SLAMF6: variants seen among roughly 807,000 people sequenced by gnomAD.
The protein encoded by SLAMF6 is NK-T-B-antigen.
In SLAMF6, 21 loss-of-function variants were observed where a neutral mutation model predicts 38.3. The observed-to-expected ratio is 0.55, with a 90% CI of 0.39 to 0.79. The LOEUF (loss-of-function observed/expected upper bound fraction) is 0.79, where lower values mean the gene tolerates loss of function less well. SLAMF6 is among the 30% of genes least tolerant of loss of function. The pLI, the probability that SLAMF6 is intolerant of heterozygous loss-of-function variation, is 0.00. For synonymous variants in SLAMF6, 152 were observed against 146.3 expected, an observed-to-expected ratio of 1.04 and a Z score of -0.28; for missense variants, 341 against 385.3, an observed-to-expected ratio of 0.89 and a Z score of 0.96.
rs753674064 is a variant in SLAMF6 at position 160,490,617 on chromosome 1, C to A, written c.715G>T (p.Gly239Cys). The change falls in exon 4 of 8, where the codon GGT becomes TGT. Residue 239 changes from glycine (G) to cysteine (C), a missense_variant. Physicochemically the swap from Gly to Cys is radical, Grantham distance 159. Coordinates refer to ENST00000368057, the MANE Select transcript of SLAMF6 (RefSeq NM_001184714.2). ...FMVSGICIVF[G>C]FIILLLLVLR... ...ACAAGTAACAGCAGTATGATGAAACCGAAGACTATGCATATCCCAGAAACC... is the reference window on the plus strand; with the variant it reads ...ACAAGTAACAGCAGTATGATGAAACAGAAGACTATGCATATCCCAGAAACC... The A allele has an allele frequency of 6.2e-7, 1 of 1,613,852 alleles. No homozygotes were observed. The highest frequency in any genetic ancestry group is 1.3e-5 in the African/African-American group (1 of 74,988).
chr1:160,486,415 T>A lies in SLAMF6; in HGVS notation c.*292A>T, dbSNP rs560287433. On this transcript the variant is annotated 3_prime_UTR_variant, in exon 8 of 8. Transcript: ENST00000368057. Reference sequence around the variant, plus strand: ...AACTCTCTGTCAACCATAATTCCATTTGCTTAGTTATCAAAGAGAGAGTCA... The same window carrying A: ...AACTCTCTGTCAACCATAATTCCATATGCTTAGTTATCAAAGAGAGAGTCA... 3 of 345,264 alleles carry A rather than the reference T, an allele frequency of 8.7e-6. No individual in the cohort carries two copies. Among genetic ancestry groups the A allele is most frequent in the Non-Finnish European group, 1.6e-5 (3 of 184,738 alleles). 21.4% of individuals were successfully genotyped at this position (345,264 alleles called of 1,614,324 possible).
intron 1 of SLAMF6, among the ~76,000 whole-genome samples, chr1:160,500,803 T>C (rs1001984928): frequency 6.6e-6 from 1 of 152,148 alleles, no homozygotes; most frequent in Non-Finnish European, 1.5e-5. Context: ...GGAGGTTTTC[T>C]GTCTAGAATG....
intron 1 of SLAMF6, among the ~76,000 whole-genome samples, chr1:160,522,784 C>T (rs529181747): frequency 6.6e-6 from 1 of 152,124 alleles, no homozygotes; most frequent in South Asian, 2.1e-4. Flanking sequence ...GTTCACAGTA[C>T]GATAGTAGAT....
chr1:160,498,307 A>G (rs1653703364), intron 1 of SLAMF6, among the ~76,000 whole-genome samples: 1 of 152,182 alleles, frequency 6.6e-6, no homozygotes, highest in South Asian at 2.1e-4. Context: ...CAGAATGGCT[A>G]TTATTAAAAA....
chr1:160,507,485 G>C (rs183595987), intron 1 of SLAMF6, among the ~76,000 whole-genome samples: 75 of 152,126 alleles, frequency 4.9e-4, no homozygotes, highest in Middle Eastern at 3.4e-3. Flanking sequence ...AAAACAACTA[G>C]AGAGAAGATC....
intron 2 of SLAMF6, among the ~76,000 whole-genome samples, chr1:160,495,321 A>T (rs1653516539): frequency 6.6e-6 from 1 of 152,202 alleles, no homozygotes; most frequent in South Asian, 2.1e-4. Context: ...ATCTCTGAAT[A>T]TCACTGATTG....
intron 2 of SLAMF6, among the ~76,000 whole-genome samples, chr1:160,491,807 G>A (rs1018901537): frequency 6.6e-6 from 1 of 152,200 alleles, no homozygotes; most frequent in Non-Finnish European, 1.5e-5. Context: ...AAGAGACCAG[G>A]TGGAAGAGTC....
intron 6 of SLAMF6, among the ~76,000 whole-genome samples, chr1:160,488,653 C>T (rs994521588): frequency 6.6e-6 from 1 of 152,074 alleles, no homozygotes. Flanking sequence ...TCTGAACTCC[C>T]CTAAGACCCC....
At chr1:160,504,116 G>T (rs1366014187) in intron 1 of SLAMF6, among the ~76,000 whole-genome samples, 2 of 151,952 alleles carry the variant, frequency 1.3e-5, no homozygotes, top group Non-Finnish European at 2.9e-5. Context: ...TGGAGAGAGG[G>T]AACAGAGAGG....
chr1:160,500,373 C>T (rs868418275), intron 1 of SLAMF6, among the ~76,000 whole-genome samples: 1 of 152,318 alleles, frequency 6.6e-6, no homozygotes, highest in African/African-American at 2.4e-5. Context: ...GCCCCCTTGG[C>T]TATTCCTTGA....
intron 1 of SLAMF6, among the ~76,000 whole-genome samples, chr1:160,497,752 G>A (rs927488440): frequency 6.6e-6 from 1 of 152,036 alleles, no homozygotes; most frequent in Non-Finnish European, 1.5e-5. Context: ...CTGTTCCTGT[G>A]TTGGTGTGCT....
chr1:160,515,545 A>T (rs1654697407), intron 1 of SLAMF6, among the ~76,000 whole-genome samples: 1 of 152,176 alleles, frequency 6.6e-6, no homozygotes, highest in Non-Finnish European at 1.5e-5. Context: ...CCTGGCAGAG[A>T]TACAACAAAA....
intron 1 of SLAMF6, among the ~76,000 whole-genome samples, chr1:160,507,644 A>G (rs537471152): frequency 6.6e-6 from 1 of 152,284 alleles, no homozygotes; most frequent in South Asian, 2.1e-4. Flanking sequence ...ATTAGGCCAC[A>G]AAAACAAGTC....
intron 2 of SLAMF6, among the ~76,000 whole-genome samples, chr1:160,493,306 C>T (rs1653403952): frequency 1.3e-5 from 2 of 152,170 alleles, no homozygotes; most frequent in African/African-American, 4.8e-5. Context: ...TTCCTCACTT[C>T]CAACAGGTCT....
At chr1:160,515,733 A>C (rs981675519) in intron 1 of SLAMF6, among the ~76,000 whole-genome samples, 5 of 152,230 alleles carry the variant, frequency 3.3e-5, no homozygotes, top group Non-Finnish European at 7.3e-5. Flanking sequence ...TTCATCTCAT[A>C]AACAGATCTA....
chr1:160,491,594 G>A (rs1274218055), intron 2 of SLAMF6, among the ~76,000 whole-genome samples: 2 of 152,194 alleles, frequency 1.3e-5, no homozygotes, highest in Non-Finnish European at 2.9e-5. Context: ...TCAGTATGGG[G>A]CAGGATAGTC....
Position 160,491,404 on chromosome 1 carries a change from A to T in SLAMF6, c.383-16T>A. ...CTCAGTTGTCCTGTTTGCAGAAAAA[A>T]AAAAGATCCAGATTAAGGACAAATG... On this transcript the variant is annotated splice_polypyrimidine_tract_variant and intron_variant, in intron 2 of 7. Coordinates refer to ENST00000368057, the MANE Select transcript of SLAMF6 (RefSeq NM_001184714.2). 1.2e-6 allele frequency: 2 copies of T among 1,601,460 alleles called. No individual in the cohort carries two copies. The highest frequency in any genetic ancestry group is 1.7e-6 in the Non-Finnish European group (2 of 1,174,452).
At chr1:160,516,035 A>AT (rs1375816275) in intron 1 of SLAMF6, among the ~76,000 whole-genome samples, 2 of 152,214 alleles carry the variant, frequency 1.3e-5, no homozygotes, top group African/African-American at 4.8e-5. Flanking sequence ...AATAAAGCAT[A>AT]TTCACACAGG....
At chr1:160,487,022 T>A (rs1653000785) in intron 7 of SLAMF6, 82 bp downstream of exon 7, 3 of 1,304,088 alleles carry the variant, frequency 2.3e-6, no homozygotes, top group Non-Finnish European at 3.3e-6. Flanking sequence ...AAAATGACCC[T>A]TTTATTTTTA....
Sources: allele counts gnomAD v4.1 joint callset (sites outside exome capture counted in the v4.1 genomes callset), GRCh38; gene constraint gnomAD v4.1.1; transcripts MANE v1.5; gene names NCBI Gene and HGNC (gene_info 2026-07-23, HGNC 2026-07-21).